Variants in KL observed in about 807,000 individuals in gnomAD.
The protein encoded by KL is klotho.
In KL, 62 loss-of-function variants were observed where a neutral mutation model predicts 84.2. The observed-to-expected ratio is 0.74, with a 90% CI of 0.60 to 0.91. The LOEUF (loss-of-function observed/expected upper bound fraction) is 0.91. Ranked by LOEUF, KL falls within the 40% of genes least tolerant of loss-of-function variation. The pLI, the probability that KL is intolerant of heterozygous loss-of-function variation, is 0.00. For missense variants in KL, 1,261 were observed against 1,305.7 expected (o/e 0.97, Z 0.53); for synonymous variants, 528 against 528.0 (o/e 1.00, Z 0.00).
Position 33,061,110 on chromosome 13 carries a change from C to T in KL, c.2031C>T (p.Leu677=), listed in dbSNP as rs368108025. 3.3e-5 allele frequency: 53 copies of T among 1,613,948 alleles called. No individual in the cohort carries two copies. In the East Asian group the frequency reaches 4.5e-4, roughly 14 times the overall value. ...ATGCCCGACTGTGCTTTCAAGAGCT[C>T]GGCCATCACGTCAAGCTTTGGATAA... ...AEYARLCFQE[L]GHHVKLWITM... is the part of the protein sequence containing the mutation. Residue 677 remains leucine (L), a synonymous_variant, in exon 4 of 5, where the codon CTC becomes CTT. Transcript: ENST00000380099.
chr13:33,019,745 G>GAGAA (rs1358108572), intron 1 of KL, among the ~76,000 whole-genome samples: 1 of 150,814 alleles, frequency 6.6e-6, no homozygotes, highest in African/African-American at 2.4e-5. Flanking sequence ...GAGAGAGAGA[G>GAGAA]AGAGAGAGAG....
intron 3 of KL, among the ~76,000 whole-genome samples, chr13:33,058,948 G>A (rs1267243123): frequency 1.3e-5 from 2 of 152,164 alleles, no homozygotes. Flanking sequence ...GTGCATGTGT[G>A]GGTGTTCTGC....
At chr13:33,033,601 C>T (rs992447818) in intron 1 of KL, among the ~76,000 whole-genome samples, 1 of 152,108 alleles carries the variant, frequency 6.6e-6, no homozygotes, top group African/African-American at 2.4e-5. Flanking sequence ...CAGAACCAAC[C>T]CTTCACTTTC....
chr13:33,064,516 A>G lies in KL; in HGVS notation c.*330A>G, dbSNP rs1872334874. 1 of 295,112 alleles carries G rather than the reference A, an allele frequency of 3.4e-6. No individual in the cohort carries two copies. 18.3% of individuals were successfully genotyped at this position (295,112 alleles called of 1,614,324 possible). ...AGAAATTTGAATGACAAGATTAGGA[A>G]TATTTTCTTCTGCACCCACTTCTAA... On this transcript the variant is annotated 3_prime_UTR_variant, in exon 5 of 5. Coordinates refer to ENST00000380099, the MANE Select transcript of KL (RefSeq NM_004795.4).
At chr13:33,054,346 A>G in intron 2 of KL, 69 bp downstream of exon 2, 1 of 1,444,938 alleles carries the variant, frequency 6.9e-7, no homozygotes, top group Non-Finnish European at 9.7e-7. Flanking sequence ...AGATTATCTA[A>G]CATAAATGAT....
chr13:33,061,658 A>G lies in KL; in HGVS notation c.2579A>G (p.Lys860Arg). ...TTGCGCAAAGTGCTGAACTGGCTGA[A>G]GTTCAAGTACGGAGACCTCCCCATG... is the stretch of plus-strand genomic sequence containing the variant. Reference protein sequence around the residue: ...WGLRKVLNWLKFKYGDLPMYI... With the variant: ...WGLRKVLNWLRFKYGDLPMYI... The change falls in exon 4 of 5, where the codon AAG becomes AGG. Residue 860 changes from lysine to arginine, a missense_variant. Lys to Arg is a conservative substitution (Grantham distance 26, BLOSUM62 2). Transcript: ENST00000380099. 2 of 1,614,184 alleles carry G rather than the reference A, an allele frequency of 1.2e-6. No homozygotes were observed. The highest frequency in any genetic ancestry group is 2.2e-5 in the South Asian group (2 of 91,076).
intron 1 of KL, among the ~76,000 whole-genome samples, chr13:33,025,102 G>A (rs547287237): frequency 1.4e-4 from 22 of 152,302 alleles, no homozygotes; most frequent in Admixed American, 5.2e-4. Context: ...CAGATTAGTA[G>A]GGGAGAGGTA....
intron 1 of KL, among the ~76,000 whole-genome samples, chr13:33,029,533 A>G (rs1255509219): frequency 2.0e-5 from 3 of 152,220 alleles, no homozygotes; most frequent in Non-Finnish European, 4.4e-5. Context: ...AACTGTCAAG[A>G]TTATTACATA....
chr13:33,050,145 T>C (rs1023709845), intron 1 of KL, among the ~76,000 whole-genome samples: 4 of 152,234 alleles, frequency 2.6e-5, no homozygotes, highest in Admixed American at 2.6e-4. Context: ...ACATTTCAAT[T>C]GTTTTCAATG....
Position 33,061,117 on chromosome 13 carries a change from C to T in KL, c.2038C>T (p.His680Tyr), listed in dbSNP as rs754894155. ...ACTGTGCTTTCAAGAGCTCGGCCAT[C>T]ACGTCAAGCTTTGGATAACGATGAA... is the stretch of plus-strand genomic sequence containing the variant. ...ARLCFQELGHHVKLWITMNEP... is the reference protein window; with the variant it reads ...ARLCFQELGHYVKLWITMNEP... Residue 680 changes from histidine to tyrosine, a missense_variant, in exon 4 of 5, where the codon CAC becomes TAC. Transcript: ENST00000380099. 1.2e-6 allele frequency: 2 copies of T among 1,614,078 alleles called. No individual in the cohort carries two copies. Among genetic ancestry groups the T allele is most frequent in the Non-Finnish European group, 1.7e-6 (2 of 1,179,946 alleles).
chr13:33,035,232 G>A (rs565665834), intron 1 of KL, among the ~76,000 whole-genome samples: 34 of 152,330 alleles, frequency 2.2e-4, no homozygotes, highest in Admixed American at 1.3e-3. Context: ...GGTGAAAAGC[G>A]TTCTCTACTG....
In KL at chr13:33,055,207, C is replaced by T; in HGVS notation, c.1491C>T (p.Tyr497=). ...TGCCAAAGTCTTCAGCCTTGTTCTA[C>T]CAAAAGCTGATAGAGAAAAATGGCT... The part of the protein sequence containing the change: ...MLLPKSSALF[Y]QKLIEKNGFP... Residue 497 remains tyrosine, a synonymous_variant, in exon 3 of 5, where the codon TAC becomes TAT. Transcript: ENST00000380099. 3 of 1,614,182 alleles carry T rather than the reference C, an allele frequency of 1.9e-6. No homozygotes were observed. Among genetic ancestry groups the T allele is most frequent in the South Asian group, 1.1e-5 (1 of 91,080 alleles).
At chr13:33,039,948 T>C (rs1871278642) in intron 1 of KL, among the ~76,000 whole-genome samples, 1 of 152,118 alleles carries the variant, frequency 6.6e-6, no homozygotes, top group Non-Finnish European at 1.5e-5. Flanking sequence ...ATGCAACTTA[T>C]TTGATTTGCT....
Position 33,061,115 on chromosome 13 carries a change from A to G in KL, c.2036A>G (p.His679Arg), listed in dbSNP as rs1269261014. The G allele has an allele frequency of 1.9e-6, 3 of 1,614,100 alleles. No homozygotes were observed. Among genetic ancestry groups the G allele is most frequent in the East Asian group, 2.2e-5 (1 of 44,884 alleles). The change falls in exon 4 of 5, where the codon CAT becomes CGT. Residue 679 changes from histidine to arginine, a missense_variant. Coordinates refer to ENST00000380099, the MANE Select transcript of KL (RefSeq NM_004795.4). ...YARLCFQELG[H>R]HVKLWITMNE... ...CGACTGTGCTTTCAAGAGCTCGGCC[A>G]TCACGTCAAGCTTTGGATAACGATG...
rs1872148254 is a variant in KL, at chr13:33,060,797, T to C, written c.1718T>C (p.Val573Ala). ...ACCAAGAAGAGGAAATCCTACTGTG[T>C]TGACTTTGCTGCCATCCAGCCCCAG... ...VVTKKRKSYC[V>A]DFAAIQPQIA... is the part of the protein sequence containing the mutation. Residue 573 changes from valine to alanine, a missense_variant, in exon 4 of 5, where the codon GTT becomes GCT. Transcript: ENST00000380099. The C allele has an allele frequency of 3.7e-6, 6 of 1,614,200 alleles. No homozygotes were observed. Among genetic ancestry groups the C allele is most frequent in the Non-Finnish European group, 5.1e-6 (6 of 1,180,038 alleles).
intron 1 of KL, among the ~76,000 whole-genome samples, chr13:33,024,761 A>G (rs1367724771): frequency 6.6e-6 from 1 of 152,046 alleles, no homozygotes; most frequent in Non-Finnish European, 1.5e-5. Flanking sequence ...AAGTTCTTCC[A>G]TAGAGACCTG....
chr13:33,059,788 A>T (rs950186718), intron 3 of KL, among the ~76,000 whole-genome samples: 1 of 152,104 alleles, frequency 6.6e-6, no homozygotes, highest in Non-Finnish European at 1.5e-5. Flanking sequence ...CGGACTTTCT[A>T]CCATCAGTCA....
At chr13:33,024,652 C>A (rs1404833965) in intron 1 of KL, among the ~76,000 whole-genome samples, 3 of 152,174 alleles carry the variant, frequency 2.0e-5, no homozygotes, top group Non-Finnish European at 4.4e-5. Context: ...CCTGTCAGAG[C>A]CTCTTGGGGA....
intron 1 of KL, among the ~76,000 whole-genome samples, chr13:33,052,885 A>G (rs9527021): frequency 0.16 from 23,717 of 152,206 alleles, 1,942 homozygotes; most frequent in African/African-American, 0.18. Flanking sequence ...GAATTCAAAG[A>G]GAAAGAGAAA....
Sources: gnomAD v4.1 joint callset for allele counts (sites outside exome capture counted in the v4.1 genomes callset) on GRCh38, gnomAD v4.1.1 for gene constraint, MANE v1.5 for transcripts, NCBI Gene and HGNC (gene_info 2026-07-23, HGNC 2026-07-21) for gene names.